Variants in KCNH7 observed in about 807,000 individuals in gnomAD.
KCNH7 encodes the protein potassium voltage-gated channel subfamily H member 7.
Under a neutral mutation model 120.8 loss-of-function variants are expected in KCNH7, and 49 were observed. The observed-to-expected ratio is 0.41, with a 90% CI of 0.32 to 0.51. The LOEUF is 0.51. Among genes scored for constraint, KCNH7 ranks in the 20% least tolerant of loss-of-function variants. The pLI, the probability that KCNH7 is intolerant of heterozygous loss-of-function variation, is 0.38. For synonymous variants in KCNH7, 547 were observed against 516.1 expected (o/e 1.06, Z -0.81); for missense variants, 1,097 against 1,446.6 (o/e 0.76, Z 3.92).
rs550621899 is a variant in KCNH7 at position 162,568,865 on chromosome 2, T to C, written c.308-31785A>G. ...TTTAAAAGATGCTATGACTTTGCAT[T>C]CTGTAAAAAATGGTCATGGTGGATA... On this transcript the variant is annotated intron_variant, in intron 2 of 15. Transcript: ENST00000332142. Among the ~76,000 whole-genome samples the C allele has an allele frequency of 3.9e-5, 6 of 152,194 alleles. No homozygotes were observed. The South Asian group carries it at 1.2e-3, about 32-fold the overall frequency.
intron 3 of KCNH7, among the ~76,000 whole-genome samples, chr2:162,530,815 A>C (rs967274556): frequency 8.2e-6 from 1 of 122,138 alleles, no homozygotes; most frequent in Non-Finnish European, 1.5e-5. Flanking sequence ...TACTTCAAAG[A>C]AAAAAAATCA....
chr2:162,405,526 T>A (rs1034073895), intron 9 of KCNH7, among the ~76,000 whole-genome samples: 1 of 151,980 alleles, frequency 6.6e-6, no homozygotes, highest in African/African-American at 2.4e-5. Flanking sequence ...TTCAAATTTA[T>A]GTAAAACTTC....
chr2:162,419,071 G>A lies in KCNH7; in HGVS notation c.2154+4265C>T, dbSNP rs184450373. The stretch of plus-strand genomic sequence containing the variant: ...CTCTGCTTGACCTAGGAAACTGAAC[G>A]ATGCAATGGAAGTGCTATCAAGTTC... On this transcript the variant is annotated intron_variant, in intron 9 of 15. Transcript: ENST00000332142. Among the ~76,000 whole-genome samples the A allele has an allele frequency of 4.6e-5, 7 of 151,656 alleles. No homozygotes were observed. In the East Asian group the frequency reaches 5.9e-4, roughly 13 times the overall value.
chr2:162,598,094 T>C (rs548903167), intron 2 of KCNH7, among the ~76,000 whole-genome samples: 3 of 152,166 alleles, frequency 2.0e-5, no homozygotes, highest in Admixed American at 6.6e-5. Context: ...ACCTTAGAGA[T>C]AGCTGATAAC....
intron 2 of KCNH7, among the ~76,000 whole-genome samples, chr2:162,646,296 A>G (rs1412705766): frequency 2.6e-5 from 4 of 152,234 alleles, no homozygotes; most frequent in Non-Finnish European, 5.9e-5. Flanking sequence ...ACTGTAATAG[A>G]GGAAGATGAA....
intron 2 of KCNH7, among the ~76,000 whole-genome samples, chr2:162,705,822 T>G (rs1341115432): frequency 6.6e-6 from 1 of 152,146 alleles, no homozygotes; most frequent in Non-Finnish European, 1.5e-5. Context: ...CAATGAGTTT[T>G]GGGAACCAAT....
chr2:162,438,328 G>A (rs1688316795), intron 7 of KCNH7, among the ~76,000 whole-genome samples: 1 of 152,096 alleles, frequency 6.6e-6, no homozygotes, highest in African/African-American at 2.4e-5. Flanking sequence ...AGAAATCTCT[G>A]ATGTTTCTTC....
chr2:162,726,139 T>C (rs1416110962), intron 2 of KCNH7, among the ~76,000 whole-genome samples: 1 of 152,182 alleles, frequency 6.6e-6, no homozygotes, highest in Non-Finnish European at 1.5e-5. Context: ...TTTTCATCTA[T>C]AATTTTGATC....
chr2:162,490,737 C>T (rs1327323618), intron 6 of KCNH7, among the ~76,000 whole-genome samples: 1 of 152,204 alleles, frequency 6.6e-6, no homozygotes, highest in Non-Finnish European at 1.5e-5. Context: ...ATGTCAGCCT[C>T]TTTGCAATCC....
At chr2:162,725,624 G>A (rs1162978008) in intron 2 of KCNH7, among the ~76,000 whole-genome samples, 1 of 152,178 alleles carries the variant, frequency 6.6e-6, no homozygotes, top group Admixed American at 6.5e-5. Context: ...CATCAAAAGG[G>A]AGAAGGCAAG....
intron 2 of KCNH7, among the ~76,000 whole-genome samples, chr2:162,624,663 C>T (rs1488455996): frequency 1.3e-5 from 2 of 151,960 alleles, no homozygotes; most frequent in Non-Finnish European, 2.9e-5. Flanking sequence ...ATATCATCTG[C>T]GATTTTATGG....
intron 2 of KCNH7, among the ~76,000 whole-genome samples, chr2:162,801,174 GA>G (rs1684332899): frequency 1.3e-5 from 2 of 151,598 alleles, no homozygotes; most frequent in African/African-American, 4.8e-5. Flanking sequence ...GTGCATATTT[GA>G]TAAAGTAAAA....
chr2:162,723,073 C>T (rs563454844), intron 2 of KCNH7, among the ~76,000 whole-genome samples: 5 of 151,656 alleles, frequency 3.3e-5, no homozygotes, highest in African/African-American at 1.2e-4. Flanking sequence ...TTTAATTTAT[C>T]TGCCATAAAG....
intron 9 of KCNH7, among the ~76,000 whole-genome samples, chr2:162,406,826 G>T (rs779073150): frequency 2.6e-5 from 4 of 151,910 alleles, no homozygotes; most frequent in Non-Finnish European, 5.9e-5. Flanking sequence ...CAACATAATG[G>T]ATTCTGTAAT....
At chr2:162,647,707 G>A (rs1684416914) in intron 2 of KCNH7, among the ~76,000 whole-genome samples, 1 of 152,072 alleles carries the variant, frequency 6.6e-6, no homozygotes, top group South Asian at 2.1e-4. Flanking sequence ...CACCATGATT[G>A]AGAGGCCTCC....
intron 2 of KCNH7, among the ~76,000 whole-genome samples, chr2:162,648,680 AG>A (rs1684460743): frequency 6.6e-6 from 1 of 152,212 alleles, no homozygotes; most frequent in Admixed American, 6.5e-5. Context: ...ACTGTGGCCC[AG>A]AGCCAAATCC....
At chr2:162,448,137 A>T (rs976839807) in intron 6 of KCNH7, among the ~76,000 whole-genome samples, 1 of 152,114 alleles carries the variant, frequency 6.6e-6, no homozygotes, top group African/African-American at 2.4e-5. Flanking sequence ...AAAGTCCAAG[A>T]TACACACATA....
At chr2:162,495,122 G>C (rs1283410526) in intron 6 of KCNH7, among the ~76,000 whole-genome samples, 14 of 152,148 alleles carry the variant, frequency 9.2e-5, no homozygotes, top group Non-Finnish European at 5.9e-5. Context: ...ATTTGCATCA[G>C]TGCAGTAAGA....
intron 3 of KCNH7, among the ~76,000 whole-genome samples, chr2:162,527,145 AT>A (rs1180366219): frequency 6.6e-6 from 1 of 151,838 alleles, no homozygotes; most frequent in African/African-American, 2.4e-5. Context: ...ATGACATAAA[AT>A]TTTTTGCAAC....
Sources: gnomAD v4.1 joint callset for allele counts (sites outside exome capture counted in the v4.1 genomes callset) on GRCh38, gnomAD v4.1.1 for gene constraint, MANE v1.5 for transcripts, NCBI Gene and HGNC (gene_info 2026-07-23, HGNC 2026-07-21) for gene names.